The following CADM2 variants were observed in gnomAD, a reference collection of about 807,000 sequenced individuals.
The protein encoded by CADM2 is immunoglobulin superfamily member 4D.
A neutral mutation model predicts 49.8 loss-of-function variants in CADM2; 12 were observed. The observed-to-expected ratio is 0.24, with a 90% CI of 0.15 to 0.39. The LOEUF (loss-of-function observed/expected upper bound fraction) is 0.39. Ranked by LOEUF, CADM2 falls within the 10% of genes least tolerant of loss-of-function variation. The pLI, the probability that CADM2 is intolerant of heterozygous loss-of-function variation, is 1.00. For missense variants in CADM2, 378 were observed against 492.3 expected, an observed-to-expected ratio of 0.77 and a Z score of 2.20; for synonymous variants, 214 against 175.4, an observed-to-expected ratio of 1.22 and a Z score of -1.74.
At chr3:85,505,685 A>G (rs1008810542) in intron 1 of CADM2, among the ~76,000 whole-genome samples, 2 of 152,216 alleles carry the variant, frequency 1.3e-5, no homozygotes, top group African/African-American at 4.8e-5. Context: ...TTCTATGATT[A>G]TACAAACTTT....
intron 7 of CADM2, among the ~76,000 whole-genome samples, chr3:85,953,713 T>C (rs2108593632): frequency 6.6e-6 from 1 of 151,110 alleles, no homozygotes; most frequent in African/African-American, 2.4e-5. Flanking sequence ...ATTTTAGTTT[T>C]TTATACACCT....
intron 1 of CADM2, among the ~76,000 whole-genome samples, chr3:85,554,276 T>C (rs2061892877): frequency 6.6e-6 from 1 of 152,166 alleles, no homozygotes; most frequent in Admixed American, 6.5e-5. Flanking sequence ...CCTGCTCCTA[T>C]GAGAATCTAA....
chr3:85,202,218 T>C (rs1309671755), intron 1 of CADM2, among the ~76,000 whole-genome samples: 1 of 152,190 alleles, frequency 6.6e-6, no homozygotes, highest in East Asian at 1.9e-4. Context: ...TGTTGATCTT[T>C]TGACTTCCTC....
intron 5 of CADM2, among the ~76,000 whole-genome samples, chr3:85,897,586 A>G (rs1227899168): frequency 6.6e-6 from 1 of 151,984 alleles, no homozygotes; most frequent in Non-Finnish European, 1.5e-5. Context: ...CATCTTAGTA[A>G]TAGTCTCTGG....
chr3:86,059,631 T>C (rs1738379983), intron 8 of CADM2, among the ~76,000 whole-genome samples: 1 of 152,222 alleles, frequency 6.6e-6, no homozygotes, highest in Admixed American at 6.5e-5. Flanking sequence ...GATGTATTTA[T>C]CTGAATAACA....
chr3:85,697,094 TATGCCA>T (rs2066587187), intron 1 of CADM2, among the ~76,000 whole-genome samples: 1 of 134,400 alleles, frequency 7.4e-6, no homozygotes. Flanking sequence ...CATATATATA[TATGCCA>T]TATATATATA....
intron 8 of CADM2, chr3:86,014,029 T>C: frequency 7.4e-7 from 1 of 1,356,882 alleles, no homozygotes; most frequent in South Asian, 1.5e-5. Context: ...TCACAACTGC[T>C]TTTAGAACTT....
chr3:85,454,522 G>T (rs1482157841), intron 1 of CADM2, among the ~76,000 whole-genome samples: 2 of 151,952 alleles, frequency 1.3e-5, no homozygotes, highest in African/African-American at 2.4e-5. Flanking sequence ...AGACATAAAA[G>T]AACATCTTTA....
intron 1 of CADM2, among the ~76,000 whole-genome samples, chr3:85,355,586 A>G (rs955421351): frequency 5.9e-5 from 9 of 152,146 alleles, no homozygotes; most frequent in African/African-American, 1.7e-4. Flanking sequence ...GCCAAGCACT[A>G]TTTTAGATGC....
intron 1 of CADM2, among the ~76,000 whole-genome samples, chr3:85,164,765 T>C (rs1034788483): frequency 9.2e-5 from 14 of 152,060 alleles, no homozygotes; most frequent in African/African-American, 2.9e-4. Context: ...TGCTTAAACA[T>C]GATGCTATTT....
At chr3:84,967,490 T>C (rs1442961644) in intron 1 of CADM2, among the ~76,000 whole-genome samples, 1 of 152,168 alleles carries the variant, frequency 6.6e-6, no homozygotes, top group Non-Finnish European at 1.5e-5. Flanking sequence ...TAATGTATTA[T>C]GAATTAGAAT....
chr3:85,152,851 G>A (rs1400318979), intron 1 of CADM2, among the ~76,000 whole-genome samples: 2 of 151,704 alleles, frequency 1.3e-5, no homozygotes, highest in African/African-American at 2.4e-5. Flanking sequence ...TGTAGTGCCA[G>A]CTACTCGGGA....
chr3:85,571,251 T>G (rs1408437310), intron 1 of CADM2, among the ~76,000 whole-genome samples: 2 of 152,212 alleles, frequency 1.3e-5, no homozygotes, highest in African/African-American at 4.8e-5. Flanking sequence ...TCCATATGAA[T>G]GTACTTTCAA....
intron 7 of CADM2, among the ~76,000 whole-genome samples, chr3:85,947,512 G>T (rs943166395): frequency 2.0e-5 from 3 of 150,702 alleles, no homozygotes; most frequent in Non-Finnish European, 4.4e-5. Context: ...TGTCTTCAAA[G>T]ATATAATATT....
chr3:85,942,852 T>G (rs1290525666), intron 7 of CADM2, among the ~76,000 whole-genome samples: 1 of 152,090 alleles, frequency 6.6e-6, no homozygotes, highest in African/African-American at 2.4e-5. Flanking sequence ...ATATACCCAG[T>G]AATGGGATGG....
intron 2 of CADM2, among the ~76,000 whole-genome samples, chr3:85,751,207 A>G (rs749241817): frequency 1.2e-4 from 18 of 152,088 alleles, no homozygotes; most frequent in Non-Finnish European, 1.9e-4. Flanking sequence ...AAATCTAGTC[A>G]AGGGGTCTAA....
intron 1 of CADM2, among the ~76,000 whole-genome samples, chr3:85,673,680 G>T (rs1273899839): frequency 6.6e-6 from 1 of 151,970 alleles, no homozygotes; most frequent in Non-Finnish European, 1.5e-5. Flanking sequence ...AAGAGAAAGA[G>T]GGAGAGAAAG....
chr3:85,059,764 C>G (rs542154864), intron 1 of CADM2, among the ~76,000 whole-genome samples: 1 of 152,262 alleles, frequency 6.6e-6, no homozygotes, highest in Non-Finnish European at 1.5e-5. Context: ...CATCTTCTGC[C>G]ACAATTGTGA....
intron 1 of CADM2, among the ~76,000 whole-genome samples, chr3:84,990,365 T>C (rs1340450941): frequency 2.0e-5 from 3 of 151,782 alleles, no homozygotes; most frequent in Admixed American, 2.0e-4. Context: ...AAGCACTGTT[T>C]TGTTGAATTC....
Sources: gnomAD v4.1 joint callset for allele counts (sites outside exome capture counted in the v4.1 genomes callset) on GRCh38, gnomAD v4.1.1 for gene constraint, MANE v1.5 for transcripts, NCBI Gene and HGNC (gene_info 2026-07-23, HGNC 2026-07-21) for gene names.